MAN1A1: variants seen among roughly 807,000 people sequenced by gnomAD.
MAN1A1 encodes the protein mannosyl-oligosaccharide 1,2-alpha-mannosidase IA.
MAN1A1 carries 29 observed loss-of-function variants against 70.8 expected under a neutral mutation model. The ratio of observed to expected loss-of-function variants is 0.41; its 90% CI spans 0.31 to 0.56. The LOEUF (loss-of-function observed/expected upper bound fraction) is 0.56. Ranked by LOEUF, MAN1A1 falls within the 20% of genes least tolerant of loss-of-function variation. The pLI is 0.29. For synonymous variants in MAN1A1, 349 were observed against 330.1 expected (o/e 1.06, Z -0.62); for missense variants, 747 against 841.3 (o/e 0.89, Z 1.39).
rs75894071 is a variant in MAN1A1, at chr6:119,247,495, G to A, written c.992+765C>T. ...ACTGTCTCATCATTATCACAGAGAG[G>A]TACAGGCAATTAATAACTTATGGGC... On this transcript the variant is annotated intron_variant, in intron 6 of 12. Transcript: ENST00000368468. Among the ~76,000 whole-genome samples the A allele has an allele frequency of 5.7e-4, 87 of 152,260 alleles. No individual in the cohort carries two copies. In the East Asian group the frequency reaches 0.016, roughly 27 times the overall value.
At chr6:119,187,525 C>T (rs771822130) in intron 11 of MAN1A1, among the ~76,000 whole-genome samples, 17 of 152,196 alleles carry the variant, frequency 1.1e-4, no homozygotes, top group Admixed American at 3.3e-4. Context: ...AAGCAAGATT[C>T]ACCGATGGCT....
rs1011240301 is a variant in MAN1A1, at chr6:119,189,836, A to G, written c.1374T>C (p.Tyr458=). Residue 458 remains tyrosine, a synonymous_variant, in exon 10 of 13, where the codon TAT becomes TAC. Coordinates refer to ENST00000368468, the MANE Select transcript of MAN1A1 (RefSeq NM_005907.4). ...LIRKSSSGLT[Y]IAEWKGGLLE... is the part of the protein sequence containing the mutation. ...GGAGGCCCCCTTTCCACTCTGCGATATAAGTTAGTCCGCTGCTAGACTTGC... is the reference window on the plus strand; with the variant it reads ...GGAGGCCCCCTTTCCACTCTGCGATGTAAGTTAGTCCGCTGCTAGACTTGC... The G allele has an allele frequency of 6.2e-7, 1 of 1,614,156 alleles. No individual in the cohort carries two copies. Among genetic ancestry groups the G allele is most frequent in the Non-Finnish European group, 8.5e-7 (1 of 1,180,026 alleles).
rs1166722913 is a variant in MAN1A1 at position 119,349,051 on chromosome 6, G to GC, written c.14dup (p.Leu6ProfsTer159). On this transcript the variant is annotated frameshift_variant, in exon 2 of 13. Coordinates refer to ENST00000368468, the MANE Select transcript of MAN1A1 (RefSeq NM_005907.4). LOFTEE classifies it high-confidence loss of function. Reference sequence around the variant, plus strand: ...CGGGGCTGCTGAAGAGCGGCAACAGGCCCCCCACGGGCATCGCTCCCGCTG... The same window carrying GC: ...CGGGGCTGCTGAAGAGCGGCAACAGGCCCCCCCACGGGCATCGCTCCCGCTG... 1.5e-6 allele frequency: 2 copies of GC among 1,320,516 alleles called. No individual in the cohort carries two copies. Among genetic ancestry groups the GC allele is most frequent in the Non-Finnish European group, 1.9e-6 (2 of 1,032,806 alleles). 81.8% of individuals were successfully genotyped at this position (1,320,516 alleles called of 1,614,324 possible).
At chr6:119,231,351 C>G (rs1392518359) in intron 6 of MAN1A1, among the ~76,000 whole-genome samples, 1 of 152,102 alleles carries the variant, frequency 6.6e-6, no homozygotes, top group Non-Finnish European at 1.5e-5. Context: ...CTGGCATTTC[C>G]TCTGCTGCCA....
At chr6:119,306,335 C>G (rs11153809) in intron 3 of MAN1A1, among the ~76,000 whole-genome samples, 57,436 of 151,956 alleles carry the variant, frequency 0.38, 11,336 homozygotes, top group Non-Finnish European at 0.41. Flanking sequence ...AATACCCACA[C>G]TACCAGTCAC....
intron 5 of MAN1A1, among the ~76,000 whole-genome samples, chr6:119,262,164 A>G (rs1417164926): frequency 6.6e-6 from 1 of 152,220 alleles, no homozygotes; most frequent in Non-Finnish European, 1.5e-5. Context: ...TTTCAGCACT[A>G]AACAAATACA....
At chr6:119,186,969 T>C (rs963641482) in intron 11 of MAN1A1, among the ~76,000 whole-genome samples, 2 of 152,232 alleles carry the variant, frequency 1.3e-5, no homozygotes, top group Non-Finnish European at 2.9e-5. Context: ...TCATATATTA[T>C]GTTAAAGAGT....
chr6:119,320,976 ATAC>A (rs767017515), intron 2 of MAN1A1, among the ~76,000 whole-genome samples: 1 of 152,232 alleles, frequency 6.6e-6, no homozygotes, highest in Non-Finnish European at 1.5e-5. Flanking sequence ...CTTGCATTAA[ATAC>A]TACGTTTCTA....
Position 119,306,924 on chromosome 6 carries a change from T to A in MAN1A1, c.672A>T (p.Ser224=). 1 of 1,598,668 alleles carries A rather than the reference T, an allele frequency of 6.3e-7. No homozygotes were observed. The highest frequency in any genetic ancestry group is 2.2e-5 in the East Asian group (1 of 44,782). Residue 224 remains serine, a synonymous_variant, in exon 3 of 13, where the codon TCA becomes TCT. Coordinates refer to ENST00000368468, the MANE Select transcript of MAN1A1 (RefSeq NM_005907.4). ...ACAAACTGCTTGAATGGCCTCCTTTTGATATAGGTTTGAGTTCATTTAATC... is the reference window on the plus strand; with the variant it reads ...ACAAACTGCTTGAATGGCCTCCTTTAGATATAGGTTTGAGTTCATTTAATC... ...AWGLNELKPI[S]KGGHSSSLFG...
intron 6 of MAN1A1, among the ~76,000 whole-genome samples, chr6:119,225,156 A>T (rs1774472150): frequency 6.6e-6 from 1 of 152,116 alleles, no homozygotes; most frequent in Non-Finnish European, 1.5e-5. Flanking sequence ...TAAAAAAAAA[A>T]TTGTATCTGA....
chr6:119,331,570 CATATATATATATATAT>C lies in MAN1A1; in HGVS notation c.603+16877_603+16892del, dbSNP rs10562938. Among the ~76,000 whole-genome samples, 271 of 117,968 alleles carry C rather than the reference CATATATATATATATAT, an allele frequency of 2.3e-3. 2 individuals carry two copies. The highest frequency in any genetic ancestry group is 8.2e-3 in the African/African-American group (263 of 31,922). The allele number at this position is 117,968 out of a possible 152,430, so 77.4% of individuals were successfully genotyped here. The stretch of plus-strand genomic sequence containing the variant: ...CGCACATAACCATGTACATATTATG[CATATATATATATATAT>C]ATATATATATATAATCAAGGGGATA... On this transcript the variant is annotated intron_variant, in intron 2 of 12. Transcript: ENST00000368468.
intron 2 of MAN1A1, among the ~76,000 whole-genome samples, chr6:119,331,503 T>C (rs1296585947): frequency 2.7e-5 from 4 of 150,360 alleles, no homozygotes; most frequent in Admixed American, 6.7e-5. Context: ...CCCCAATAAC[T>C]TTCATTAATG....
chr6:119,348,841 G>A lies in MAN1A1; in HGVS notation c.225C>T (p.His75=). The A allele has an allele frequency of 6.7e-7, 1 of 1,502,546 alleles. No homozygotes were observed. 93.1% of individuals were successfully genotyped at this position (1,502,546 alleles called of 1,614,324 possible). ...SSKLLSGVLF[H]SSPALQPAAD... ...CGGCCGGCTGCAAGGCGGGGCTGGA[G>A]TGGAACAGGACCCCGCTGAGCAGCT... is the stretch of plus-strand genomic sequence containing the variant. Residue 75 remains histidine, a synonymous_variant, in exon 2 of 13, where the codon CAC becomes CAT. Transcript: ENST00000368468.
At chr6:119,268,664 G>T (rs2299883) in intron 5 of MAN1A1, among the ~76,000 whole-genome samples, 15,393 of 151,936 alleles carry the variant, frequency 0.1, 996 homozygotes, top group Non-Finnish European at 0.14. Context: ...TTGGCTCACT[G>T]CAGCCTTGAC....
chr6:119,334,922 T>C (rs944610863), intron 2 of MAN1A1, among the ~76,000 whole-genome samples: 1 of 152,218 alleles, frequency 6.6e-6, no homozygotes, highest in Non-Finnish European at 1.5e-5. Context: ...CCCACATATC[T>C]GAGTGTTGTG....
Position 119,302,081 on chromosome 6 carries a change from T to C in MAN1A1, c.723A>G (p.Ile241Met). 6.3e-7 allele frequency: 1 copy of C among 1,597,874 alleles called. No homozygotes were observed. Among genetic ancestry groups the C allele is most frequent in the Non-Finnish European group, 8.6e-7 (1 of 1,166,298 alleles). Residue 241 changes from isoleucine (I) to methionine (M), a missense_variant, in exon 4 of 13, where the codon ATA becomes ATG. Ile to Met is a conservative substitution (Grantham distance 10). Coordinates refer to ENST00000368468, the MANE Select transcript of MAN1A1 (RefSeq NM_005907.4). ...SLFGNIKGAT[I>M]VDALDTLFIM... Reference sequence around the variant, plus strand: ...TAAAAAGTGTATCCAGGGCATCTACTATAGTTGCTCCTTTGATGTTACCTG... The same window carrying C: ...TAAAAAGTGTATCCAGGGCATCTACCATAGTTGCTCCTTTGATGTTACCTG...
chr6:119,232,372 C>CAAAAAAAA (rs71015028), intron 6 of MAN1A1, among the ~76,000 whole-genome samples: 2 of 89,378 alleles, frequency 2.2e-5, no homozygotes, highest in Non-Finnish European at 4.2e-5. Flanking sequence ...GACTCTGTCT[C>CAAAAAAAA]AAAAAAAAAA....
rs551203610 is a variant in MAN1A1, at chr6:119,220,894, C to T, written c.993-16012G>A. 3.4e-4 allele frequency among the ~76,000 whole-genome samples: 51 copies of T among 151,936 alleles called. 1 individual carries two copies. The South Asian group carries it at 5.4e-3, about 16-fold the overall frequency. On this transcript the variant is annotated intron_variant, in intron 6 of 12. Coordinates refer to ENST00000368468, the MANE Select transcript of MAN1A1 (RefSeq NM_005907.4). ...CAATCTATATTTATTTGAAACAACA[C>T]GGCATTAAAAAAACCCAATATGTAC...
chr6:119,324,443 C>G (rs1053961138), intron 2 of MAN1A1, among the ~76,000 whole-genome samples: 5 of 152,080 alleles, frequency 3.3e-5, no homozygotes, highest in Admixed American at 2.6e-4. Context: ...CGCAGGTTTT[C>G]AACTGCATGA....
Sources: allele counts gnomAD v4.1 joint callset (sites outside exome capture counted in the v4.1 genomes callset), GRCh38; gene constraint gnomAD v4.1.1; transcripts MANE v1.5; gene names NCBI Gene and HGNC (gene_info 2026-07-23, HGNC 2026-07-21).